NBAS: variants seen among roughly 807,000 people sequenced by gnomAD.
NBAS encodes NBAS subunit of NRZ tethering complex, also known as NAG/BC035112 fusion.
Under a neutral mutation model 302.5 loss-of-function variants are expected in NBAS, and 219 were observed. The ratio of observed to expected loss-of-function variants is 0.72; its 90% CI spans 0.65 to 0.81. The LOEUF is 0.81. Ranked by LOEUF, NBAS falls within the 30% of genes least tolerant of loss-of-function variation. The probability of loss-of-function intolerance (pLI) is 0.00; values close to 1 mark genes in which losing one functional copy is unlikely to be tolerated. For synonymous variants in NBAS, 1,118 were observed against 1,021.6 expected, an observed-to-expected ratio of 1.09 and a Z score of -1.80; for missense variants, 2,932 against 2,841.6, an observed-to-expected ratio of 1.03 and a Z score of -0.72.
chr2:15,502,579 T>C (rs1198410329), intron 11 of NBAS, among the ~76,000 whole-genome samples: 1 of 152,204 alleles, frequency 6.6e-6, no homozygotes, highest in African/African-American at 2.4e-5. Flanking sequence ...TGGTAAATAT[T>C]TGTGTATCTA....
intron 48 of NBAS, among the ~76,000 whole-genome samples, chr2:15,196,643 G>T (rs946396763): frequency 1.3e-5 from 2 of 152,048 alleles, no homozygotes; most frequent in African/African-American, 4.8e-5. Flanking sequence ...CAATTTGAGG[G>T]GAAAAATCCC....
chr2:14,942,863 G>C, the NBAS span, among the ~76,000 whole-genome samples: 1 of 152,204 alleles, frequency 6.6e-6, no homozygotes, highest in Non-Finnish European at 1.5e-5. Context: ...ATTGTTAGAA[G>C]TGTAGTCCTT....
chr2:15,293,442 C>G (rs1227356743), intron 40 of NBAS, among the ~76,000 whole-genome samples: 4 of 152,110 alleles, frequency 2.6e-5, no homozygotes, highest in African/African-American at 9.7e-5. Context: ...AGAACACAAC[C>G]TAGAATCCAA....
chr2:14,782,983 G>A, the NBAS span, among the ~76,000 whole-genome samples: 796 of 151,954 alleles, frequency 5.2e-3, 4 homozygotes, highest in African/African-American at 0.018. Context: ...GGAGGGAGAA[G>A]ATCAGAAAAA....
intron 2 of NBAS, 148 bp downstream of exon 2, chr2:15,558,432 A>G (rs1221197039): frequency 3.2e-6 from 2 of 619,188 alleles, no homozygotes; most frequent in South Asian, 2.2e-5. Context: ...ATGTATACAT[A>G]TACATACATA....
intron 44 of NBAS, among the ~76,000 whole-genome samples, chr2:15,273,890 A>G (rs1260728334): frequency 1.3e-5 from 2 of 151,810 alleles, no homozygotes; most frequent in Non-Finnish European, 2.9e-5. Context: ...CCTGGCTAAC[A>G]TGGTGAAACC....
At chr2:15,290,456 C>G (rs185488103) in intron 41 of NBAS, among the ~76,000 whole-genome samples, 1 of 152,258 alleles carries the variant, frequency 6.6e-6, no homozygotes, top group East Asian at 1.9e-4. Flanking sequence ...GTATGCTTAA[C>G]AAAGAAAATA....
the NBAS span, among the ~76,000 whole-genome samples, chr2:14,848,237 G>A: frequency 6.0e-5 from 9 of 151,150 alleles, no homozygotes; most frequent in Admixed American, 1.3e-4. Context: ...TGCGAGAGCC[G>A]AAGCAGGGCG....
intron 21 of NBAS, among the ~76,000 whole-genome samples, chr2:15,447,442 G>C (rs1678805009): frequency 6.6e-6 from 1 of 152,126 alleles, no homozygotes; most frequent in Non-Finnish European, 1.5e-5. Context: ...CCTTGATTAA[G>C]AGAAAAAGCT....
chr2:15,382,268 C>A lies in NBAS; in HGVS notation c.3360+947G>T, dbSNP rs1675075744. Among the ~76,000 whole-genome samples the A allele has an allele frequency of 2.6e-5, 4 of 152,120 alleles. No individual in the cohort carries two copies. In the South Asian group the frequency reaches 8.3e-4, roughly 32 times the overall value. On this transcript the variant is annotated intron_variant, in intron 29 of 51. Coordinates refer to ENST00000281513, the MANE Select transcript of NBAS (RefSeq NM_015909.4). ...CTATTCCAAATTAATGAGTAAATCC[C>A]CCTGGATTATACTCCCAGTCAACTG...
At chr2:14,918,775 G>A in the NBAS span, among the ~76,000 whole-genome samples, 3 of 152,044 alleles carry the variant, frequency 2.0e-5, no homozygotes, top group Non-Finnish European at 4.4e-5. Flanking sequence ...GAATAGAGAA[G>A]GCTAAGTTTA....
chr2:15,511,119 T>C (rs1662119542), intron 10 of NBAS, 93 bp downstream of exon 10: 6 of 1,446,340 alleles, frequency 4.1e-6, no homozygotes, highest in Non-Finnish European at 5.8e-6. Flanking sequence ...AAATTATTTC[T>C]TCCTCTATAT....
At chr2:15,110,248 G>A in the NBAS span, among the ~76,000 whole-genome samples, 1 of 152,046 alleles carries the variant, frequency 6.6e-6, no homozygotes, top group Non-Finnish European at 1.5e-5. Context: ...AGGAAGGAAG[G>A]TGAAAGTCTA....
At chr2:15,346,540 T>G (rs1407443021) in intron 35 of NBAS, among the ~76,000 whole-genome samples, 1 of 152,184 alleles carries the variant, frequency 6.6e-6, no homozygotes, top group Admixed American at 6.6e-5. Context: ...AGGAATGCTT[T>G]TACACTGTTG....
chr2:15,040,827 C>T, the NBAS span, among the ~76,000 whole-genome samples: 1 of 152,232 alleles, frequency 6.6e-6, no homozygotes, highest in African/African-American at 2.4e-5. Flanking sequence ...CATTCCGTGA[C>T]AGTTAATCCA....
chr2:15,074,156 A>C, the NBAS span, among the ~76,000 whole-genome samples: 4 of 152,228 alleles, frequency 2.6e-5, no homozygotes, highest in Non-Finnish European at 5.9e-5. Context: ...ATTCAAGTCC[A>C]TATGAAAATT....
the NBAS span, among the ~76,000 whole-genome samples, chr2:14,803,737 CCTCCTGGGTTCAAGCAATT>C: frequency 6.6e-6 from 1 of 152,164 alleles, no homozygotes; most frequent in Non-Finnish European, 1.5e-5. Context: ...GCAACCCCTA[CCTCCTGGGTTCAAGCAATT>C]CTCCTGCTTC....
At chr2:15,166,292 C>T (rs1411221615), downstream of NBAS, among the ~76,000 whole-genome samples, 1 of 152,184 alleles carries the variant, frequency 6.6e-6, no homozygotes, top group African/African-American at 2.4e-5. Flanking sequence ...CTCTGTTCCC[C>T]CACCCACCTG....
intron 44 of NBAS, among the ~76,000 whole-genome samples, chr2:15,266,440 C>T (rs1465005098): frequency 1.3e-5 from 2 of 152,094 alleles, no homozygotes; most frequent in Non-Finnish European, 2.9e-5. Flanking sequence ...CTACTTTGTA[C>T]CTTACCCTCT....
Sources: gnomAD v4.1 joint callset for allele counts (sites outside exome capture counted in the v4.1 genomes callset) on GRCh38, gnomAD v4.1.1 for gene constraint, MANE v1.5 for transcripts, NCBI Gene and HGNC (gene_info 2026-07-23, HGNC 2026-07-21) for gene names.